CHRM4: variants seen among roughly 807,000 people sequenced by gnomAD.
CHRM4 encodes cholinergic receptor muscarinic 4.
In CHRM4, 5 loss-of-function variants were observed where a neutral mutation model predicts 26.3. That is an observed-to-expected ratio of 0.19 (90% CI 0.10 to 0.40). The LOEUF (loss-of-function observed/expected upper bound fraction) is 0.40, where lower values mean the gene tolerates loss of function less well. Among genes scored for constraint, CHRM4 ranks in the 10% least tolerant of loss-of-function variants. The probability of loss-of-function intolerance (pLI) is 1.00; values close to 1 mark genes in which losing one functional copy is unlikely to be tolerated. For missense variants in CHRM4, 402 were observed against 664.5 expected (o/e 0.60, Z 4.34); for synonymous variants, 290 against 285.3 (o/e 1.02, Z -0.16).
intron 1 of CHRM4, among the ~76,000 whole-genome samples, chr11:46,387,620 C>T (rs537691266): frequency 2.0e-5 from 3 of 152,250 alleles, no homozygotes; most frequent in East Asian, 3.9e-4. Context: ...AAGGCAGTCC[C>T]GTAACTTAAG....
rs200195228 is a variant in CHRM4 at position 46,385,922 on chromosome 11, C to T, written c.636G>A (p.Thr212=). ...CCAGGGAGATGTGGATGTACAGCAC[C>T]GTCATGATGACCACAGGCAGGTAGA... ...AAFYLPVVIM[T]VLYIHISLAS... Residue 212 remains threonine (T), a synonymous_variant, in exon 2 of 2, where the codon ACG becomes ACA. Coordinates refer to ENST00000682254, the MANE Select transcript of CHRM4 (RefSeq NM_000741.5). The surrounding 1 kb of genome is among the most constrained non-coding windows in gnomAD (Gnocchi z 6.3). 5.6e-6 allele frequency: 9 copies of T among 1,611,888 alleles called. No homozygotes were observed. The highest frequency in any genetic ancestry group is 3.3e-5 in the Admixed American group (2 of 59,818).
At chr11:46,389,631 C>T (rs966875516) in intron 1 of CHRM4, among the ~76,000 whole-genome samples, 1 of 152,208 alleles carries the variant, frequency 6.6e-6, no homozygotes, top group African/African-American at 2.4e-5. Flanking sequence ...CGTTGGCCAC[C>T]GCCCCCAACT....
In CHRM4 at chr11:46,383,867, G is replaced by C. The variant is rs939321316; in HGVS notation, c.*1251C>G. 2.8e-6 allele frequency: 1 copy of C among 360,936 alleles called. No individual in the cohort carries two copies. Among genetic ancestry groups the C allele is most frequent in the African/African-American group, 2.1e-5 (1 of 47,194 alleles). 22.4% of individuals were successfully genotyped at this position (360,936 alleles called of 1,614,324 possible). The stretch of plus-strand genomic sequence containing the variant: ...AGGAGTTTGCTGTGGAAATGTGTTT[G>C]GGAGTGGGAAGGTGGGGAGAAAGAC... On this transcript the variant is annotated 3_prime_UTR_variant, in exon 2 of 2. Transcript: ENST00000682254.
At position 46,384,272 on chromosome 11, in the gene CHRM4, T is replaced by C. The variant is rs1945307896; in HGVS notation, c.*846A>G. 1.3e-5 allele frequency among the ~76,000 whole-genome samples: 2 copies of C among 152,228 alleles called. No individual in the cohort carries two copies. The highest frequency in any genetic ancestry group is 6.5e-5 in the Admixed American group (1 of 15,288). ...AGCCACCAGGTTGACCCCTTTCCTCTTGCCTGTGTGACCCAGGCCTCCACC... is the reference window on the plus strand; with the variant it reads ...AGCCACCAGGTTGACCCCTTTCCTCCTGCCTGTGTGACCCAGGCCTCCACC... On this transcript the variant is annotated 3_prime_UTR_variant, in exon 2 of 2. Transcript: ENST00000682254.
At chr11:46,388,770 G>A (rs888925247) in intron 1 of CHRM4, among the ~76,000 whole-genome samples, 2 of 152,216 alleles carry the variant, frequency 1.3e-5, no homozygotes, top group Admixed American at 6.5e-5. Flanking sequence ...AATCACTCAC[G>A]TGGAGGAGGG....
chr11:46,388,645 C>T (rs926799833), intron 1 of CHRM4, among the ~76,000 whole-genome samples: 2 of 152,248 alleles, frequency 1.3e-5, no homozygotes, highest in Admixed American at 1.3e-4. Context: ...AGACCACATA[C>T]TGCCCTCTCT....
rs567350468 is a variant in CHRM4, at chr11:46,386,638, T to C, written c.-29-52A>G. 3.9e-6 allele frequency: 6 copies of C among 1,520,708 alleles called. No individual in the cohort carries two copies. In the South Asian group the frequency reaches 7.4e-5, roughly 19 times the overall value. 94.2% of individuals were successfully genotyped at this position (1,520,708 alleles called of 1,614,324 possible). ...TGAACTACAGGAGGGAATGGGGGAG[T>C]CATCTGGAGGTACACTGGATTCAAG... is the stretch of plus-strand genomic sequence containing the variant. On this transcript the variant is annotated intron_variant, in intron 1 of 1. Coordinates refer to ENST00000682254, the MANE Select transcript of CHRM4 (RefSeq NM_000741.5). The surrounding 1 kb of genome is among the most constrained non-coding windows in gnomAD (Gnocchi z 5.8).
At chr11:46,390,181 C>A (rs147281816) in intron 1 of CHRM4, among the ~76,000 whole-genome samples, 1,534 of 152,268 alleles carry the variant, frequency 0.01, 11 homozygotes, top group Non-Finnish European at 0.015. Flanking sequence ...GGGCCAGGAG[C>A]CTGCATCGGG....
intron 1 of CHRM4, among the ~76,000 whole-genome samples, chr11:46,387,205 T>C (rs1205417538): frequency 1.3e-5 from 2 of 152,216 alleles, no homozygotes; most frequent in Non-Finnish European, 2.9e-5. Context: ...TAGAAGACAC[T>C]GGGACAAAGG....
chr11:46,387,327 G>C (rs1162370590), intron 1 of CHRM4, among the ~76,000 whole-genome samples: 1 of 152,184 alleles, frequency 6.6e-6, no homozygotes, highest in African/African-American at 2.4e-5. Flanking sequence ...GTAGAGACAG[G>C]GTCTTGGTAT....
chr11:46,389,595 G>A (rs1475725097), intron 1 of CHRM4, among the ~76,000 whole-genome samples: 1 of 152,220 alleles, frequency 6.6e-6, no homozygotes, highest in Non-Finnish European at 1.5e-5. Flanking sequence ...CCTGGTGCCC[G>A]CTCCGGACCT....
At chr11:46,387,298 T>C (rs1269246136) in intron 1 of CHRM4, among the ~76,000 whole-genome samples, 1 of 152,210 alleles carries the variant, frequency 6.6e-6, no homozygotes, top group South Asian at 2.1e-4. Flanking sequence ...AAAGTGTCTA[T>C]TTATTTATCT....
rs932554645 is a variant in CHRM4, at chr11:46,386,150, C to T, written c.408G>A (p.Lys136=). ...ISFDRYFCVT[K]PLTYPARRTT... ...TGCGCCGGGCAGGGTAGGTGAGAGG[C>T]TTGGTGACGCAGAAGTAGCGGTCAA... Residue 136 remains lysine (K), a synonymous_variant, in exon 2 of 2, where the codon AAG becomes AAA. Coordinates refer to ENST00000682254, the MANE Select transcript of CHRM4 (RefSeq NM_000741.5). This position sits in a 1 kb window ranked among gnomAD's most constrained non-coding sequence, Gnocchi z 5.8. 5.6e-6 allele frequency: 9 copies of T among 1,613,526 alleles called. No individual in the cohort carries two copies. The Admixed American group carries it at 1.5e-4, about 27-fold the overall frequency.
intron 1 of CHRM4, among the ~76,000 whole-genome samples, chr11:46,390,355 T>C (rs1945380437): frequency 6.6e-6 from 1 of 152,214 alleles, no homozygotes; most frequent in African/African-American, 2.4e-5. Context: ...GACTGACATC[T>C]GTCGAGGGGC....
At chr11:46,389,924 C>T (rs1257743203) in intron 1 of CHRM4, among the ~76,000 whole-genome samples, 1 of 152,200 alleles carries the variant, frequency 6.6e-6, no homozygotes, top group Admixed American at 6.5e-5. Flanking sequence ...CACGGCCACG[C>T]CTGGATACCA....
intron 1 of CHRM4, among the ~76,000 whole-genome samples, chr11:46,387,536 A>G (rs1310447813): frequency 2.0e-5 from 3 of 152,232 alleles, no homozygotes; most frequent in South Asian, 2.1e-4. Context: ...AGCTGTTAAA[A>G]GCCTGACCAA....
rs1945347441 is a variant in CHRM4 at position 46,386,953 on chromosome 11, G to A, written c.-29-367C>T. ...TGGCCTCACCCACCAGGTCATCTGG[G>A]TGATGAGGAGCCAGCCACAGGAGGA... On this transcript the variant is annotated intron_variant, in intron 1 of 1. Coordinates refer to ENST00000682254, the MANE Select transcript of CHRM4 (RefSeq NM_000741.5). This position sits in a 1 kb window ranked among gnomAD's most constrained non-coding sequence, Gnocchi z 5.8. Among the ~76,000 whole-genome samples, 2 of 152,250 alleles carry A rather than the reference G, an allele frequency of 1.3e-5. No individual in the cohort carries two copies. Among genetic ancestry groups the A allele is most frequent in the Admixed American group, 6.5e-5 (1 of 15,292 alleles).
intron 1 of CHRM4, among the ~76,000 whole-genome samples, chr11:46,387,959 G>A (rs563213610): frequency 5.1e-4 from 77 of 152,324 alleles, no homozygotes; most frequent in Admixed American, 1.6e-3. Flanking sequence ...TCCGCACACC[G>A]GGCGGCGCCC....
chr11:46,389,483 G>A (rs1725347455), intron 1 of CHRM4, among the ~76,000 whole-genome samples: 1 of 152,242 alleles, frequency 6.6e-6, no homozygotes, highest in South Asian at 2.1e-4. Context: ...CAGACATTCC[G>A]ACCCCCTCTG....
Sources: gnomAD v4.1 joint callset for allele counts (sites outside exome capture counted in the v4.1 genomes callset) on GRCh38, gnomAD v4.1.1 for gene constraint, Gnocchi (gnomAD v3.1) non-coding constraint, MANE v1.5 for transcripts, NCBI Gene and HGNC (gene_info 2026-07-23, HGNC 2026-07-21) for gene names.